Variants in DGKI observed in about 807,000 individuals in gnomAD.
DGKI encodes the protein diacylglycerol kinase iota, also known as DAG kinase iota.
In DGKI, 55 loss-of-function variants were observed where a neutral mutation model predicts 147.5. That is an observed-to-expected ratio of 0.37 (90% confidence interval 0.30 to 0.47). The LOEUF (loss-of-function observed/expected upper bound fraction) is 0.47. Among genes scored for constraint, DGKI ranks in the 20% least tolerant of loss-of-function variants. DGKI has a pLI of 1.00. For missense variants in DGKI, 1,007 were observed against 1,323.8 expected, an observed-to-expected ratio of 0.76 and a Z score of 3.71; for synonymous variants, 469 against 477.1, an observed-to-expected ratio of 0.98 and a Z score of 0.22.
chr7:137,501,264 T>C (rs1029013839), intron 21 of DGKI, among the ~76,000 whole-genome samples: 6 of 152,190 alleles, frequency 3.9e-5, no homozygotes, highest in South Asian at 4.1e-4. Flanking sequence ...TATCCATTCA[T>C]CCATTGATAG....
Position 137,652,929 on chromosome 7 carries a change from C to T in DGKI, c.738+1803G>A, listed in dbSNP as rs537807825. On this transcript the variant is annotated intron_variant, in intron 5 of 32. Coordinates refer to ENST00000614521, the MANE Select transcript of DGKI (RefSeq NM_001321708.2). Reference sequence around the variant, plus strand: ...CTGATGACTCACAATGCCTGACCTCCAGCCCAGTCTTCCTCATAAGCTCCA... The same window carrying T: ...CTGATGACTCACAATGCCTGACCTCTAGCCCAGTCTTCCTCATAAGCTCCA... Among the ~76,000 whole-genome samples, 8 of 152,314 alleles carry T rather than the reference C, an allele frequency of 5.3e-5. No individual in the cohort carries two copies. In the South Asian group the frequency reaches 1.7e-3, roughly 32 times the overall value.
intron 24 of DGKI, 23 bp from the exon 25 acceptor site, chr7:137,466,965 G>A (rs369514255): frequency 6.2e-7 from 1 of 1,613,310 alleles, no homozygotes; most frequent in South Asian, 1.1e-5. Flanking sequence ...AAATGCAGAT[G>A]GCATTCAGAA....
intron 23 of DGKI, among the ~76,000 whole-genome samples, chr7:137,471,288 G>C (rs1814874225): frequency 3.9e-5 from 6 of 152,152 alleles, no homozygotes. Context: ...AGCAGCACTG[G>C]GGTGCGGCTG....
chr7:137,381,906 G>C lies in DGKI; in HGVS notation c.*9314C>G, dbSNP rs1811070445. 6.6e-6 allele frequency: 1 copy of C among 152,112 alleles called. No individual in the cohort carries two copies. Among genetic ancestry groups the C allele is most frequent in the South Asian group, 2.1e-4 (1 of 4,836 alleles). The allele number at this position is 152,112 out of a possible 1,614,324, so 9.4% of individuals were successfully genotyped here. ...CAACTTATAATCGGTAAGTCAGGGAGAGCATCAAAGTTCTACTTGCATTGG... is the reference window on the plus strand; with the variant it reads ...CAACTTATAATCGGTAAGTCAGGGACAGCATCAAAGTTCTACTTGCATTGG... On this transcript the variant is annotated 3_prime_UTR_variant, in exon 33 of 33. Coordinates refer to ENST00000614521, the MANE Select transcript of DGKI (RefSeq NM_001321708.2).
At chr7:137,498,524 C>G (rs1246207631) in intron 21 of DGKI, among the ~76,000 whole-genome samples, 1 of 152,030 alleles carries the variant, frequency 6.6e-6, no homozygotes, top group East Asian at 1.9e-4. Context: ...AAGGAAGAAT[C>G]TACAAGCTTA....
chr7:137,800,260 T>C (rs1296200760), intron 1 of DGKI, among the ~76,000 whole-genome samples: 1 of 151,944 alleles, frequency 6.6e-6, no homozygotes, highest in African/African-American at 2.4e-5. Flanking sequence ...AGGAGTGTAA[T>C]ATGGTTTGGA....
chr7:137,722,523 G>A (rs997414342), intron 1 of DGKI: 1 of 1,609,246 alleles, frequency 6.2e-7, no homozygotes, highest in South Asian at 1.1e-5. Context: ...CTGGACCTCT[G>A]GTCCTCAATC....
intron 27 of DGKI, among the ~76,000 whole-genome samples, chr7:137,452,635 C>T (rs1814016624): frequency 6.6e-6 from 1 of 152,194 alleles, no homozygotes; most frequent in South Asian, 2.1e-4. Flanking sequence ...ATGAGAACCA[C>T]AGCAAAAAGA....
At chr7:137,441,162 T>C (rs1310700694) in intron 28 of DGKI, among the ~76,000 whole-genome samples, 3 of 152,248 alleles carry the variant, frequency 2.0e-5, no homozygotes, top group African/African-American at 7.2e-5. Flanking sequence ...GGCTCATGCC[T>C]GTAATCCCAG....
intron 27 of DGKI, among the ~76,000 whole-genome samples, chr7:137,445,139 G>C (rs1052952976): frequency 3.9e-5 from 6 of 152,094 alleles, no homozygotes; most frequent in Admixed American, 6.5e-5. Context: ...GAATCATTCA[G>C]TCAATACAAA....
chr7:137,602,479 G>A (rs1820027595), intron 10 of DGKI, among the ~76,000 whole-genome samples: 1 of 151,850 alleles, frequency 6.6e-6, no homozygotes, highest in Non-Finnish European at 1.5e-5. Context: ...TGACATTCAG[G>A]CATGATATGA....
At chr7:137,461,420 C>T (rs913057560) in intron 27 of DGKI, among the ~76,000 whole-genome samples, 3 of 152,078 alleles carry the variant, frequency 2.0e-5, no homozygotes, top group African/African-American at 7.2e-5. Flanking sequence ...TTAGATATTT[C>T]CACAACTGCA....
At chr7:137,724,747 C>A (rs971727878) in intron 1 of DGKI, among the ~76,000 whole-genome samples, 21 of 152,130 alleles carry the variant, frequency 1.4e-4, no homozygotes, top group Admixed American at 5.9e-4. Flanking sequence ...TACAAGACTT[C>A]TAAGCAGAGA....
At chr7:137,839,485 A>G (rs1385929809) in intron 1 of DGKI, among the ~76,000 whole-genome samples, 2 of 152,238 alleles carry the variant, frequency 1.3e-5, no homozygotes, top group East Asian at 3.8e-4. Context: ...ACACACATAT[A>G]GCATGTACTT....
chr7:137,480,898 TTC>T (rs1276728222), intron 23 of DGKI, among the ~76,000 whole-genome samples: 2 of 152,104 alleles, frequency 1.3e-5, no homozygotes, highest in South Asian at 2.1e-4. Flanking sequence ...TTGCTCCTAG[TTC>T]TCTCTTTATT....
intron 20 of DGKI, among the ~76,000 whole-genome samples, chr7:137,525,956 G>A (rs1817129737): frequency 6.6e-6 from 1 of 151,802 alleles, no homozygotes; most frequent in Non-Finnish European, 1.5e-5. Context: ...CTCCCACCTA[G>A]TATTTTAAAA....
intron 4 of DGKI, among the ~76,000 whole-genome samples, chr7:137,655,042 C>T (rs1822168387): frequency 1.3e-5 from 2 of 152,088 alleles, no homozygotes; most frequent in African/African-American, 4.8e-5. Context: ...AACGATAATG[C>T]TCTTACACCA....
chr7:137,648,055 A>AC (rs112752939), intron 5 of DGKI, among the ~76,000 whole-genome samples: 14,872 of 152,166 alleles, frequency 0.098, 2,080 homozygotes, highest in African/African-American at 0.31. Flanking sequence ...GGCTCACGCT[A>AC]TTCAACATGA....
chr7:137,441,700 A>C (rs1266246301), intron 28 of DGKI, among the ~76,000 whole-genome samples: 4 of 152,200 alleles, frequency 2.6e-5, no homozygotes, highest in Admixed American at 2.6e-4. Context: ...TAGTTATTAC[A>C]GAGGGAGGAC....
Sources: gnomAD v4.1 joint callset for allele counts (sites outside exome capture counted in the v4.1 genomes callset) on GRCh38, gnomAD v4.1.1 for gene constraint, MANE v1.5 for transcripts, NCBI Gene and HGNC (gene_info 2026-07-23, HGNC 2026-07-21) for gene names.